Variants in FANCM observed in about 807,000 individuals in gnomAD.
The protein encoded by FANCM is Fanconi anemia group M protein.
In FANCM, 140 loss-of-function variants were observed where a neutral mutation model predicts 199.5. That is an observed-to-expected ratio of 0.70 (90% CI 0.61 to 0.81). FANCM has a LOEUF of 0.81. Ranked by LOEUF, FANCM falls within the 30% of genes least tolerant of loss-of-function variation. FANCM has a pLI of 0.00. For missense variants in FANCM, 2,410 were observed against 2,421.4 expected (o/e 1.00, Z 0.10); for synonymous variants, 840 against 836.8 (o/e 1.00, Z -0.07).
At position 45,142,520 on chromosome 14, in the gene FANCM, C is replaced by T. The variant is rs576645294; in HGVS notation, c.759+1811C>T. On this transcript the variant is annotated intron_variant, in intron 3 of 22. Coordinates refer to ENST00000267430, the MANE Select transcript of FANCM (RefSeq NM_020937.4). ...ACAAGGTTTCACTATGTTGGCCAGG[C>T]TGGTCTCGAGCTCCTGACCTCGTGA... Among the ~76,000 whole-genome samples, 10 of 151,954 alleles carry T rather than the reference C, an allele frequency of 6.6e-5. 1 individual carries two copies. The highest frequency in any genetic ancestry group is 2.4e-4 in the African/African-American group (10 of 41,360).
At chr14:45,153,767 C>A (rs569395494) in intron 5 of FANCM, among the ~76,000 whole-genome samples, 153 bp from the exon 6 acceptor site, 2 of 152,150 alleles carry the variant, frequency 1.3e-5, no homozygotes, top group African/African-American at 4.8e-5. Context: ...CATTTAATAA[C>A]CAATCGGTTA....
chr14:45,137,784 GA>G (rs1205338099), intron 2 of FANCM: 2 of 159,262 alleles, frequency 1.3e-5, no homozygotes, highest in African/African-American at 4.8e-5. Flanking sequence ...TCCTAAGGGG[GA>G]TTTTGCCTCT....
intron 17 of FANCM, among the ~76,000 whole-genome samples, chr14:45,184,877 G>T (rs1230082684): frequency 8.0e-5 from 12 of 149,788 alleles, no homozygotes; most frequent in African/African-American, 2.9e-4. Context: ...AGGTTCAAGT[G>T]ATTCTCCTGC....
intron 9 of FANCM, among the ~76,000 whole-genome samples, chr14:45,159,800 A>T (rs112591631): frequency 5.9e-5 from 9 of 152,222 alleles, no homozygotes; most frequent in African/African-American, 1.9e-4. Flanking sequence ...GTAAGAGGAC[A>T]TTCGGTTTTC....
chr14:45,184,825 G>A (rs1333313777), intron 17 of FANCM, among the ~76,000 whole-genome samples: 2 of 149,062 alleles, frequency 1.3e-5, no homozygotes, highest in Non-Finnish European at 3.0e-5. Flanking sequence ...ACAGACTGGA[G>A]TGCAGTGGCA....
rs548740416 is a variant in FANCM at position 45,149,774 on chromosome 14, T to C, written c.918+779T>C. On this transcript the variant is annotated intron_variant, in intron 4 of 22. Transcript: ENST00000267430. ...AATTACTTCACCTACCTGGCAACAT[T>C]TGGCAATGACTTGACACATTTTTGG... 6.0e-4 allele frequency among the ~76,000 whole-genome samples: 92 copies of C among 152,160 alleles called. 1 individual carries two copies. Among genetic ancestry groups the C allele is most frequent in the African/African-American group, 2.1e-3 (87 of 41,520 alleles).
At chr14:45,189,454 G>C in intron 20 of FANCM, 92 bp downstream of exon 20, 1 of 1,030,736 alleles carries the variant, frequency 9.7e-7, no homozygotes, top group South Asian at 1.4e-5. Flanking sequence ...TAAATAACTA[G>C]GTCAAAGAAA....
intron 18 of FANCM, among the ~76,000 whole-genome samples, chr14:45,186,950 A>G (rs148573863): frequency 2.0e-5 from 3 of 152,214 alleles, no homozygotes; most frequent in Non-Finnish European, 4.4e-5. Context: ...AGGTCCTCCA[A>G]TCAAGGAATG....
At chr14:45,164,739 G>A (rs993293982) in intron 10 of FANCM, among the ~76,000 whole-genome samples, 174 bp downstream of exon 10, 2 of 152,124 alleles carry the variant, frequency 1.3e-5, no homozygotes, top group Non-Finnish European at 2.9e-5. Context: ...TTTGACTGGA[G>A]TCAGTTTGCT....
intron 8 of FANCM, 150 bp from the exon 9 acceptor site, chr14:45,158,946 A>G (rs1887382588): frequency 5.2e-6 from 3 of 578,892 alleles, no homozygotes; most frequent in East Asian, 6.0e-5. Context: ...AGCTGGGACT[A>G]TAGGTGTGTG....
At chr14:45,184,311 G>A (rs1889252293) in intron 17 of FANCM, among the ~76,000 whole-genome samples, 2 of 152,002 alleles carry the variant, frequency 1.3e-5, no homozygotes. Context: ...TTCTTTTGTG[G>A]TGCAGTAATT....
intron 20 of FANCM, among the ~76,000 whole-genome samples, chr14:45,191,469 C>A (rs1177120608): frequency 2.0e-5 from 3 of 152,128 alleles, no homozygotes; most frequent in African/African-American, 4.8e-5. Context: ...ACCATAGTTG[C>A]CTATTCACCC....
intron 14 of FANCM, among the ~76,000 whole-genome samples, chr14:45,177,274 AT>A (rs1888773097): frequency 6.6e-6 from 1 of 152,210 alleles, no homozygotes; most frequent in Non-Finnish European, 1.5e-5. Context: ...TGACATACGT[AT>A]TTGAAAAGAT....
rs2139333020 is a variant in FANCM at position 45,200,210 on chromosome 14, A to G, written c.*202A>G. On this transcript the variant is annotated 3_prime_UTR_variant, in exon 23 of 23. Transcript: ENST00000267430. ...CAGTGATCATTTTGACTAGATTATA[A>G]AACTAATTTTTCTTATTAAATAAAA... 5.5e-6 allele frequency: 1 copy of G among 183,480 alleles called. No individual in the cohort carries two copies. The highest frequency in any genetic ancestry group is 2.4e-5 in the African/African-American group (1 of 42,254). 11.4% of individuals were successfully genotyped at this position (183,480 alleles called of 1,614,324 possible).
intron 3 of FANCM, among the ~76,000 whole-genome samples, chr14:45,144,164 A>G (rs1886188953): frequency 6.6e-6 from 1 of 152,048 alleles, no homozygotes; most frequent in Non-Finnish European, 1.5e-5. Flanking sequence ...CACCTTAAGC[A>G]TTTATTCTTT....
intron 3 of FANCM, among the ~76,000 whole-genome samples, chr14:45,146,670 A>C (rs1230750331): frequency 6.6e-6 from 1 of 151,436 alleles, no homozygotes; most frequent in East Asian, 1.9e-4. Flanking sequence ...CTCTACTAAA[A>C]AAAATACAAA....
rs551915997 is a variant in FANCM at position 45,175,327 on chromosome 14, C to G, written c.2573C>G (p.Ser858Cys). 4.5e-6 allele frequency: 7 copies of G among 1,557,680 alleles called. No individual in the cohort carries two copies. The highest frequency in any genetic ancestry group is 6.1e-6 in the Non-Finnish European group (7 of 1,151,314). Residue 858 changes from serine to cysteine, a missense_variant, in exon 14 of 23, where the codon TCT becomes TGT. Ser to Cys is a moderately radical substitution (Grantham distance 112, BLOSUM62 -1). Transcript: ENST00000267430. Reference protein sequence around the residue: ...TKIVSLKKKVSKEIKKDQLKK... With the variant: ...TKIVSLKKKVCKEIKKDQLKK... ...ATTGTTTCTTTAAAGAAAAAAGTGT[C>G]TAAAGAAATAAAAAAAGATCAGCTT...
At position 45,187,766 on chromosome 14, in the gene FANCM, C is replaced by T; in HGVS notation, c.4673-15C>T. The T allele has an allele frequency of 7.7e-7, 1 of 1,294,788 alleles. No homozygotes were observed. The allele number at this position is 1,294,788 out of a possible 1,614,324, so 80.2% of individuals were successfully genotyped here. The stretch of plus-strand genomic sequence containing the variant: ...ATAATTTTGCTAATTTATCTAAATT[C>T]TTATCTTTACACAGATTCTGAAATG... On this transcript the variant is annotated splice_polypyrimidine_tract_variant and intron_variant, in intron 18 of 22. Coordinates refer to ENST00000267430, the MANE Select transcript of FANCM (RefSeq NM_020937.4).
chr14:45,140,616 CT>C lies in FANCM; in HGVS notation c.682-7del, dbSNP rs759364320. 8.7e-5 allele frequency: 127 copies of C among 1,460,944 alleles called. No homozygotes were observed. Among genetic ancestry groups the C allele is most frequent in the Admixed American group, 3.5e-4 (21 of 59,628 alleles). The allele number at this position is 1,460,944 out of a possible 1,614,324, so 90.5% of individuals were successfully genotyped here. A position where few individuals can be genotyped will look rare whatever the true frequency, so the allele number is the denominator to read the frequency against. ...GCATTGAACAGATGAAACTAAAGAACTTTTTTTTTCTTAAGGTTGTAAGAGA... is the reference window on the plus strand; with the variant it reads ...GCATTGAACAGATGAAACTAAAGAACTTTTTTTTCTTAAGGTTGTAAGAGA... On this transcript the variant is annotated splice_polypyrimidine_tract_variant and intron_variant, in intron 2 of 22. Transcript: ENST00000267430.
Sources: allele counts gnomAD v4.1 joint callset (sites outside exome capture counted in the v4.1 genomes callset), GRCh38; gene constraint gnomAD v4.1.1; transcripts MANE v1.5; gene names NCBI Gene and HGNC (gene_info 2026-07-23, HGNC 2026-07-21).